Variants in DPF3 observed in about 807,000 individuals in gnomAD.
DPF3 encodes zinc finger protein DPF3.
DPF3 carries 18 observed loss-of-function variants against 56.8 expected under a neutral mutation model. The ratio of observed to expected loss-of-function variants is 0.32; its 90% CI spans 0.22 to 0.47. The LOEUF (loss-of-function observed/expected upper bound fraction) is 0.47, where lower values mean the gene tolerates loss of function less well. Ranked by LOEUF, DPF3 falls within the 20% of genes least tolerant of loss-of-function variation. DPF3 has a pLI of 1.00. For synonymous variants in DPF3, 188 were observed against 180.2 expected (o/e 1.04, Z -0.35); for missense variants, 403 against 488.8 (o/e 0.82, Z 1.65).
intron 2 of DPF3, among the ~76,000 whole-genome samples, chr14:72,763,032 G>A (rs756547138): frequency 6.6e-6 from 1 of 151,782 alleles, no homozygotes; most frequent in South Asian, 2.1e-4. Flanking sequence ...TAAGTGCTTA[G>A]AGACAAATCT....
chr14:72,716,945 G>A (rs1386388862), intron 5 of DPF3, among the ~76,000 whole-genome samples: 1 of 151,930 alleles, frequency 6.6e-6, no homozygotes, highest in Non-Finnish European at 1.5e-5. Flanking sequence ...CCCTAACGGG[G>A]GATCTACCTC....
intron 1 of DPF3, among the ~76,000 whole-genome samples, chr14:72,873,132 G>T (rs1191497412): frequency 6.6e-6 from 1 of 152,020 alleles, no homozygotes; most frequent in African/African-American, 2.4e-5. Flanking sequence ...AGAGTGAACA[G>T]GCAACCTACA....
At chr14:72,771,300 CTAT>C (rs894862056) in intron 2 of DPF3, among the ~76,000 whole-genome samples, 1 of 152,100 alleles carries the variant, frequency 6.6e-6, no homozygotes, top group Admixed American at 6.5e-5. Flanking sequence ...GTGGTAAGTA[CTAT>C]TATTATTCAC....
intron 8 of DPF3, among the ~76,000 whole-genome samples, chr14:72,655,224 A>G (rs188034634): frequency 6.6e-6 from 1 of 152,206 alleles, no homozygotes; most frequent in Non-Finnish European, 1.5e-5. Context: ...AAAATTATTT[A>G]GAAAGAATGC....
chr14:72,641,530 G>A (rs1331374709), intron 8 of DPF3, among the ~76,000 whole-genome samples: 1 of 152,218 alleles, frequency 6.6e-6, no homozygotes, highest in Non-Finnish European at 1.5e-5. Context: ...TTGCCCACAA[G>A]GCTGGGGCAG....
chr14:72,893,995 A>G, intron 1 of DPF3, 62 bp downstream of exon 1: 10 of 1,596,342 alleles, frequency 6.3e-6, no homozygotes, highest in Non-Finnish European at 8.5e-6. Flanking sequence ...CGCCACGCAG[A>G]AGGCGCCTTT....
chr14:72,674,500 T>G, intron 7 of DPF3, 132 bp from the exon 8 acceptor site: 1 of 1,325,494 alleles, frequency 7.5e-7, no homozygotes, highest in South Asian at 1.6e-5. Context: ...GTTGGCAAAT[T>G]GGGCTACGCT....
chr14:72,863,977 G>A (rs1469740481), intron 1 of DPF3, among the ~76,000 whole-genome samples: 2 of 152,184 alleles, frequency 1.3e-5, no homozygotes, highest in Non-Finnish European at 2.9e-5. Context: ...CTGGAGGTGG[G>A]AAGCCCATGG....
intron 5 of DPF3, among the ~76,000 whole-genome samples, chr14:72,723,383 C>T (rs12897027): frequency 0.27 from 41,776 of 152,008 alleles, 6,325 homozygotes; most frequent in East Asian, 0.41. Flanking sequence ...CCTGATCCCA[C>T]CCTTCAGCCC....
intron 3 of DPF3, among the ~76,000 whole-genome samples, chr14:72,749,970 A>AT (rs1242096541): frequency 6.6e-6 from 1 of 152,210 alleles, no homozygotes; most frequent in Non-Finnish European, 1.5e-5. Context: ...CTGAAGCCAG[A>AT]TAAACCCTGG....
At chr14:72,847,610 T>A (rs1314194772) in intron 1 of DPF3, among the ~76,000 whole-genome samples, 1 of 151,992 alleles carries the variant, frequency 6.6e-6, no homozygotes, top group Non-Finnish European at 1.5e-5. Flanking sequence ...CTCCCAGGTT[T>A]AAGTGATTCT....
intron 8 of DPF3, among the ~76,000 whole-genome samples, chr14:72,668,453 C>A (rs973661494): frequency 7.9e-5 from 12 of 152,110 alleles, no homozygotes; most frequent in Non-Finnish European, 1.3e-4. Flanking sequence ...GCTTCTATTA[C>A]CCCAAGGAAG....
At chr14:72,762,563 T>A (rs971791617) in intron 2 of DPF3, among the ~76,000 whole-genome samples, 5 of 150,398 alleles carry the variant, frequency 3.3e-5, no homozygotes, top group African/African-American at 1.2e-4. Flanking sequence ...AAAAAAAAAC[T>A]CTCAAACTAG....
At chr14:72,791,090 C>T (rs1481429429) in intron 1 of DPF3, among the ~76,000 whole-genome samples, 1 of 152,194 alleles carries the variant, frequency 6.6e-6, no homozygotes, top group Non-Finnish European at 1.5e-5. Context: ...GGCCAGCCCT[C>T]TTCATACAGC....
intron 1 of DPF3, among the ~76,000 whole-genome samples, chr14:72,811,719 C>T (rs1016227428): frequency 6.6e-6 from 1 of 152,192 alleles, no homozygotes; most frequent in Admixed American, 6.5e-5. Flanking sequence ...CCCTGCCTTC[C>T]AGAGCTCCTA....
chr14:72,862,144 G>A (rs1030473952), intron 1 of DPF3, among the ~76,000 whole-genome samples: 3 of 152,130 alleles, frequency 2.0e-5, no homozygotes, highest in African/African-American at 7.2e-5. Context: ...TTAGTTCCCT[G>A]TGCCTTTATA....
chr14:72,764,299 T>A (rs879296374), intron 2 of DPF3, among the ~76,000 whole-genome samples: 1 of 152,034 alleles, frequency 6.6e-6, no homozygotes, highest in Non-Finnish European at 1.5e-5. Flanking sequence ...TGGACTAGAT[T>A]CAGAGATCTT....
At chr14:72,858,182 C>G (rs1885243232) in intron 1 of DPF3, among the ~76,000 whole-genome samples, 1 of 151,960 alleles carries the variant, frequency 6.6e-6, no homozygotes, top group Admixed American at 6.6e-5. Flanking sequence ...GTGGCATACA[C>G]ATGTGGTCCC....
chr14:72,647,375 CT>C (rs1437104350), intron 8 of DPF3, among the ~76,000 whole-genome samples: 1 of 152,218 alleles, frequency 6.6e-6, no homozygotes, highest in African/African-American at 2.4e-5. Flanking sequence ...CCATACTGGC[CT>C]GTATCCAGGC....
Sources: gnomAD v4.1 joint callset for allele counts (sites outside exome capture counted in the v4.1 genomes callset) on GRCh38, gnomAD v4.1.1 for gene constraint, MANE v1.5 for transcripts, NCBI Gene and HGNC (gene_info 2026-07-23, HGNC 2026-07-21) for gene names.